The following KIAA1328 variants were observed in gnomAD, a reference collection of about 807,000 sequenced individuals.
The protein encoded by KIAA1328 is KIAA1328, also known as protein hinderin.
A neutral mutation model predicts 68.1 loss-of-function variants in KIAA1328; 52 were observed. The observed-to-expected ratio is 0.76, with a 90% CI of 0.61 to 0.96. The LOEUF is 0.96. Ranked by LOEUF, KIAA1328 falls within the 40% of genes least tolerant of loss-of-function variation. The pLI, the probability that KIAA1328 is intolerant of heterozygous loss-of-function variation, is 0.00. For missense variants in KIAA1328, 641 were observed against 677.6 expected, an observed-to-expected ratio of 0.95 and a Z score of 0.60; for synonymous variants, 232 against 239.4, an observed-to-expected ratio of 0.97 and a Z score of 0.28.
intron 5 of KIAA1328, among the ~76,000 whole-genome samples, chr18:36,926,092 A>G (rs1219540433): frequency 1.3e-5 from 2 of 151,766 alleles, no homozygotes; most frequent in Non-Finnish European, 2.9e-5. Context: ...AGACATTTTC[A>G]TGTTTAGTTT....
At chr18:36,895,293 G>A (rs1328784564) in intron 5 of KIAA1328, among the ~76,000 whole-genome samples, 1 of 152,116 alleles carries the variant, frequency 6.6e-6, no homozygotes, top group Non-Finnish European at 1.5e-5. Context: ...ATTGAATGCA[G>A]GAGCATTTCA....
At chr18:36,855,971 A>T (rs1420917542) in intron 4 of KIAA1328, among the ~76,000 whole-genome samples, 3 of 151,804 alleles carry the variant, frequency 2.0e-5, no homozygotes, top group African/African-American at 7.3e-5. Flanking sequence ...GTTAGTTAAC[A>T]GGATTTTTTT....
intron 9 of KIAA1328, among the ~76,000 whole-genome samples, chr18:37,184,756 T>C (rs2059762510): frequency 6.6e-6 from 1 of 152,204 alleles, no homozygotes; most frequent in Non-Finnish European, 1.5e-5. Context: ...TACATCTGTC[T>C]CTTGATTTCA....
intron 9 of KIAA1328, among the ~76,000 whole-genome samples, chr18:37,201,981 T>G (rs2060123560): frequency 6.6e-6 from 1 of 152,202 alleles, no homozygotes; most frequent in Non-Finnish European, 1.5e-5. Flanking sequence ...CGTCAACGCC[T>G]TGGTGAAATA....
rs1418887002 is a variant in KIAA1328 at position 36,868,700 on chromosome 18, G to T, written c.333-16857G>T. Among the ~76,000 whole-genome samples the T allele has an allele frequency of 2.0e-5, 3 of 152,202 alleles. No homozygotes were observed. The South Asian group carries it at 6.2e-4, about 32-fold the overall frequency. ...TAAGAAGCCTTAAAAAAACCATCCA[G>T]TATTTCATGTCCTAAGCCCATACTG... On this transcript the variant is annotated intron_variant, in intron 4 of 9. Transcript: ENST00000280020.
intron 6 of KIAA1328, among the ~76,000 whole-genome samples, chr18:37,013,502 A>C (rs932404631): frequency 2.0e-5 from 3 of 151,770 alleles, no homozygotes; most frequent in South Asian, 2.1e-4. Context: ...CATCCCCCTC[A>C]CTCCCCACAG....
At chr18:37,121,061 GA>G (rs1197586315) in intron 7 of KIAA1328, among the ~76,000 whole-genome samples, 1 of 151,902 alleles carries the variant, frequency 6.6e-6, no homozygotes, top group Non-Finnish European at 1.5e-5. Flanking sequence ...AAATTATAAT[GA>G]AAAGAATAAA....
At chr18:37,142,051 G>A (rs1259195071) in intron 7 of KIAA1328, among the ~76,000 whole-genome samples, 1 of 152,140 alleles carries the variant, frequency 6.6e-6, no homozygotes, top group East Asian at 1.9e-4. Flanking sequence ...TTTTAATATT[G>A]ATGAAAGTTA....
chr18:37,057,342 G>A (rs2055952434), intron 6 of KIAA1328, among the ~76,000 whole-genome samples: 1 of 151,796 alleles, frequency 6.6e-6, no homozygotes, highest in Admixed American at 6.6e-5. Flanking sequence ...TTACTTCTTA[G>A]CCATTTAATG....
intron 6 of KIAA1328, among the ~76,000 whole-genome samples, chr18:37,056,633 T>G (rs2055918972): frequency 6.6e-6 from 1 of 152,194 alleles, no homozygotes; most frequent in Non-Finnish European, 1.5e-5. Flanking sequence ...AATTGTGGTA[T>G]CTTTAGTATA....
chr18:36,937,140 G>T (rs900941122), intron 5 of KIAA1328, among the ~76,000 whole-genome samples: 2 of 152,130 alleles, frequency 1.3e-5, no homozygotes, highest in South Asian at 4.2e-4. Flanking sequence ...ATGGTAATGG[G>T]AAAACTGGCT....
At chr18:36,906,302 A>G (rs1377005497) in intron 5 of KIAA1328, among the ~76,000 whole-genome samples, 1 of 152,156 alleles carries the variant, frequency 6.6e-6, no homozygotes, top group Non-Finnish European at 1.5e-5. Flanking sequence ...ATCATACAGA[A>G]CTAATCTACC....
chr18:37,092,027 C>G (rs1018636911), intron 7 of KIAA1328, among the ~76,000 whole-genome samples: 16 of 152,060 alleles, frequency 1.1e-4, no homozygotes, highest in Non-Finnish European at 1.9e-4. Flanking sequence ...AGGCTAGGCC[C>G]ATTCTACCCA....
At chr18:36,878,539 C>T (rs1288793999) in intron 4 of KIAA1328, among the ~76,000 whole-genome samples, 1 of 152,084 alleles carries the variant, frequency 6.6e-6, no homozygotes, top group Admixed American at 6.5e-5. Context: ...CTGTGTTTTT[C>T]CTGAATTTGA....
At chr18:37,088,863 C>T (rs917841510) in intron 7 of KIAA1328, among the ~76,000 whole-genome samples, 8 of 151,920 alleles carry the variant, frequency 5.3e-5, no homozygotes, top group Non-Finnish European at 1.2e-4. Flanking sequence ...AGTAAAACAT[C>T]AAAGACATAT....
intron 7 of KIAA1328, among the ~76,000 whole-genome samples, chr18:37,099,095 G>C (rs1055081360): frequency 6.6e-6 from 1 of 151,954 alleles, no homozygotes; most frequent in Admixed American, 6.6e-5. Flanking sequence ...CTCTGATTAG[G>C]TTATTTCTTG....
At chr18:37,058,945 G>C (rs757079208) in intron 6 of KIAA1328, among the ~76,000 whole-genome samples, 1 of 151,488 alleles carries the variant, frequency 6.6e-6, no homozygotes, top group Non-Finnish European at 1.5e-5. Flanking sequence ...GTATTGCCTT[G>C]TGATTATTTA....
intron 6 of KIAA1328, among the ~76,000 whole-genome samples, chr18:37,051,626 C>T (rs1234153899): frequency 6.6e-6 from 1 of 152,188 alleles, no homozygotes; most frequent in East Asian, 1.9e-4. Flanking sequence ...ATGTTCAAAG[C>T]AGAGCTGGTA....
chr18:37,082,430 C>G (rs1321461832), intron 7 of KIAA1328, among the ~76,000 whole-genome samples: 2 of 152,160 alleles, frequency 1.3e-5, no homozygotes, highest in Non-Finnish European at 2.9e-5. Context: ...CCTCGGTCTC[C>G]CAAAGTGCTG....
Sources: gnomAD v4.1 joint callset for allele counts (sites outside exome capture counted in the v4.1 genomes callset) on GRCh38, gnomAD v4.1.1 for gene constraint, MANE v1.5 for transcripts, NCBI Gene and HGNC (gene_info 2026-07-23, HGNC 2026-07-21) for gene names.